The following C20orf141 variants were observed in gnomAD, a reference collection of about 807,000 sequenced individuals.
C20orf141 encodes chromosome 20 open reading frame 141, also known as uncharacterized protein C20orf141.
A neutral mutation model predicts 7.8 loss-of-function variants in C20orf141; 8 were observed. The observed-to-expected ratio is 1.03, with a 90% CI of 0.60 to 1.85. The LOEUF is 1.85. Ranked by LOEUF, C20orf141 falls within the 40% of genes most tolerant of loss-of-function variation. The pLI, the probability that C20orf141 is intolerant of heterozygous loss-of-function variation, is 0.00. For synonymous variants in C20orf141, 101 were observed against 90.8 expected, an observed-to-expected ratio of 1.11 and a Z score of -0.64; for missense variants, 220 against 203.1, an observed-to-expected ratio of 1.08 and a Z score of -0.51.
Position 2,815,313 on chromosome 20 carries a change from C to T in C20orf141, c.129C>T (p.Ser43=). 6.2e-7 allele frequency: 1 copy of T among 1,609,522 alleles called. No homozygotes were observed. The highest frequency in any genetic ancestry group is 8.5e-7 in the Non-Finnish European group (1 of 1,177,388). The change falls in exon 2 of 3, where the codon AGC becomes AGT. Residue 43 remains serine, a synonymous_variant. Coordinates refer to ENST00000603872, the MANE Select transcript of C20orf141 (RefSeq NM_001256538.2). ...CACCTGTATCCACCTGGGGCCCTAG[C>T]TGGGCCCAGCTCCTGGACAGTGTCC... The part of the protein sequence containing the change: ...VRPPVSTWGP[S]WAQLLDSVLW...
intron 2 of C20orf141, 37 bp from the exon 3 acceptor site, chr20:2,815,501 C>A: frequency 1.3e-6 from 2 of 1,575,110 alleles, no homozygotes; most frequent in Non-Finnish European, 1.7e-6. Flanking sequence ...CAGTGGACAA[C>A]TTCCCTAAGC....
At position 2,815,008 on chromosome 20, in the gene C20orf141, G is replaced by C; in HGVS notation, c.-43G>C. The C allele has an allele frequency of 1.3e-6, 1 of 749,520 alleles. No individual in the cohort carries two copies. Among genetic ancestry groups the C allele is most frequent in the East Asian group, 2.7e-5 (1 of 36,894 alleles). 46.4% of individuals were successfully genotyped at this position (749,520 alleles called of 1,614,324 possible). A position where few individuals can be genotyped will look rare whatever the true frequency, so the allele number is the denominator to read the frequency against. ...GCCCACTCCCAGAATGCTGACCAAA[G>C]TGGGAGGAGGTGAGGAGGGTTTGCT... On this transcript the variant is annotated 5_prime_UTR_variant, in exon 1 of 3. Coordinates refer to ENST00000603872, the MANE Select transcript of C20orf141 (RefSeq NM_001256538.2).
rs954861800 is a variant in C20orf141 at position 2,815,406 on chromosome 20, G to T, written c.222G>T (p.Leu74=). 3 of 1,565,342 alleles carry T rather than the reference G, an allele frequency of 1.9e-6. No homozygotes were observed. The highest frequency in any genetic ancestry group is 2.6e-6 in the Non-Finnish European group (3 of 1,153,236). ...CCACCACTGGCCCAGCCCTGCTGCT[G>T]CTTCTGGTCAGCTTCCTCACCTTTG... ...VFSTTGPALL[L]LLVSFLTFDL... The change falls in exon 2 of 3, where the codon CTG becomes CTT. Residue 74 remains leucine (L), a synonymous_variant. Coordinates refer to ENST00000603872, the MANE Select transcript of C20orf141 (RefSeq NM_001256538.2).
chr20:2,815,108 G>A, intron 1 of C20orf141, 44 bp from the exon 2 acceptor site: 1 of 1,559,892 alleles, frequency 6.4e-7, no homozygotes, highest in Non-Finnish European at 8.7e-7. Flanking sequence ...TGTCTGCCCG[G>A]GCCCTACCCC....
chr20:2,815,371 G>A lies in C20orf141; in HGVS notation c.187G>A (p.Ala63Thr). Residue 63 changes from alanine (A) to threonine (T), a missense_variant, in exon 2 of 3, where the codon GCA becomes ACA. By Grantham distance (58) the Ala-to-Thr change is moderately conservative. Transcript: ENST00000603872. ...GGGGGCACTAGGACTGACAATCCAGGCAGTCTTTTCCACCACTGGCCCAGC... is the reference window on the plus strand; with the variant it reads ...GGGGGCACTAGGACTGACAATCCAGACAGTCTTTTCCACCACTGGCCCAGC... ...WLGALGLTIQ[A>T]VFSTTGPALL... 6.3e-7 allele frequency: 1 copy of A among 1,587,438 alleles called. No homozygotes were observed. The highest frequency in any genetic ancestry group is 8.6e-7 in the Non-Finnish European group (1 of 1,164,342).
At position 2,815,219 on chromosome 20, in the gene C20orf141, G is replaced by A. The variant is rs143838675; in HGVS notation, c.35G>A (p.Arg12His). Residue 12 changes from arginine (R) to histidine (H), a missense_variant, in exon 2 of 3, where the codon CGT becomes CAT. Transcript: ENST00000603872. ...TRLCLPRPEA[R>H]EDPIPVPPRG... is the part of the protein sequence containing the mutation. ...CTCTGCTTACCCAGACCCGAAGCACGTGAGGATCCGATCCCAGTTCCTCCA... is the reference window on the plus strand; with the variant it reads ...CTCTGCTTACCCAGACCCGAAGCACATGAGGATCCGATCCCAGTTCCTCCA... The A allele has an allele frequency of 2.9e-4, 474 of 1,613,950 alleles. No individual in the cohort carries two copies. The highest frequency in any genetic ancestry group is 3.3e-4 in the Non-Finnish European group (394 of 1,180,000).
chr20:2,815,048 G>A lies in C20orf141; in HGVS notation c.-34+31G>A, dbSNP rs530919799. 14 of 1,117,288 alleles carry A rather than the reference G, an allele frequency of 1.3e-5. No homozygotes were observed. The African/African-American group carries it at 1.4e-4, about 11-fold the overall frequency. The allele number at this position is 1,117,288 out of a possible 1,614,324, so 69.2% of individuals were successfully genotyped here. On this transcript the variant is annotated intron_variant, in intron 1 of 2. Coordinates refer to ENST00000603872, the MANE Select transcript of C20orf141 (RefSeq NM_001256538.2). The stretch of plus-strand genomic sequence containing the variant: ...GAGGGTTTGCTGGGTGGGTATGGGG[G>A]AGGGGGAGACTCTGCAGGAGCCTAA...
rs1421917492 is a variant in C20orf141, at chr20:2,815,367, C to A, written c.183C>A (p.Ile61=). ...VLWLGALGLT[I]QAVFSTTGPA... ...GGCTGGGGGCACTAGGACTGACAATCCAGGCAGTCTTTTCCACCACTGGCC... is the reference window on the plus strand; with the variant it reads ...GGCTGGGGGCACTAGGACTGACAATACAGGCAGTCTTTTCCACCACTGGCC... The change falls in exon 2 of 3, where the codon ATC becomes ATA. Residue 61 remains isoleucine (I), a synonymous_variant. Transcript: ENST00000603872. 1.3e-6 allele frequency: 2 copies of A among 1,588,928 alleles called. No homozygotes were observed. The highest frequency in any genetic ancestry group is 4.5e-5 in the East Asian group (2 of 44,512).
At position 2,815,766 on chromosome 20, in the gene C20orf141, T is replaced by C. The variant is rs1600278193; in HGVS notation, c.489T>C (p.Pro163=). ...TLLGLAFCLH[P]WA ...TTGGCCTGGCTTTCTGCCTCCATCC[T>C]TGGGCCTGAGAGCCCCTCCCCACAA... is the stretch of plus-strand genomic sequence containing the variant. The change falls in exon 3 of 3, where the codon CCT becomes CCC. Residue 163 remains proline (P), a synonymous_variant. Transcript: ENST00000603872. The C allele has an allele frequency of 6.2e-7, 1 of 1,610,368 alleles. No individual in the cohort carries two copies. Among genetic ancestry groups the C allele is most frequent in the Non-Finnish European group, 8.5e-7 (1 of 1,179,230 alleles).
Position 2,815,800 on chromosome 20 carries a change from C to G in C20orf141, c.*25C>G. 1 of 1,576,348 alleles carries G rather than the reference C, an allele frequency of 6.3e-7. No individual in the cohort carries two copies. Among genetic ancestry groups the G allele is most frequent in the Non-Finnish European group, 8.7e-7 (1 of 1,155,970 alleles). ...AGAGCCCCTCCCCACAACTCAGTGT[C>G]CTTCAAATATACAATGACCACCCTT... On this transcript the variant is annotated 3_prime_UTR_variant, in exon 3 of 3. Coordinates refer to ENST00000603872, the MANE Select transcript of C20orf141 (RefSeq NM_001256538.2).
Position 2,815,212 on chromosome 20 carries a change from G to GA in C20orf141, c.30dup (p.Ala11SerfsTer3). The GA allele has an allele frequency of 6.2e-7, 1 of 1,613,948 alleles. No individual in the cohort carries two copies. Among genetic ancestry groups the GA allele is most frequent in the Non-Finnish European group, 8.5e-7 (1 of 1,179,994 alleles). On this transcript the variant is annotated frameshift_variant, in exon 2 of 3. Transcript: ENST00000603872. LOFTEE classifies it high-confidence loss of function. ...GACCCGGCTCTGCTTACCCAGACCC[G>GA]AAGCACGTGAGGATCCGATCCCAGT...
In C20orf141 at chr20:2,815,331, C is replaced by T. The variant is rs1410627532; in HGVS notation, c.147C>T (p.Asp49=). ...TWGPSWAQLL[D]SVLWLGALGL... ...GCCCTAGCTGGGCCCAGCTCCTGGA[C>T]AGTGTCCTATGGCTGGGGGCACTAG... is the stretch of plus-strand genomic sequence containing the variant. Residue 49 remains aspartate (D), a synonymous_variant, in exon 2 of 3, where the codon GAC becomes GAT. Transcript: ENST00000603872. 6.2e-7 allele frequency: 1 copy of T among 1,605,782 alleles called. No homozygotes were observed. The highest frequency in any genetic ancestry group is 1.3e-5 in the African/African-American group (1 of 74,730).
chr20:2,815,798 G>A lies in C20orf141; in HGVS notation c.*23G>A. ...TGAGAGCCCCTCCCCACAACTCAGT[G>A]TCCTTCAAATATACAATGACCACCC... On this transcript the variant is annotated 3_prime_UTR_variant, in exon 3 of 3. Coordinates refer to ENST00000603872, the MANE Select transcript of C20orf141 (RefSeq NM_001256538.2). 6.3e-7 allele frequency: 1 copy of A among 1,585,682 alleles called. No homozygotes were observed. The highest frequency in any genetic ancestry group is 1.1e-5 in the South Asian group (1 of 90,240).
Position 2,815,579 on chromosome 20 carries a change from G to C in C20orf141, c.302G>C (p.Arg101Thr). The change falls in exon 3 of 3, where the codon AGG becomes ACG. Residue 101 changes from arginine (R) to threonine (T), a missense_variant. By Grantham distance (71) the Arg-to-Thr change is moderately conservative. Transcript: ENST00000603872. The stretch of plus-strand genomic sequence containing the variant: ...CTGCCACAGCGCAAACTTCTCACCA[G>C]GGGCCAGAGTCAGGGGGCCGGTGAA... ...HTLPQRKLLT[R>T]GQSQGAGEGP... The C allele has an allele frequency of 6.2e-7, 1 of 1,613,984 alleles. No individual in the cohort carries two copies. The highest frequency in any genetic ancestry group is 1.1e-5 in the South Asian group (1 of 91,082).
In C20orf141 at chr20:2,815,303, G is replaced by T; in HGVS notation, c.119G>T (p.Trp40Leu). ...GSPVRPPVST[W>L]GPSWAQLLDS... ...CCAGTGCGTCCACCTGTATCCACCT[G>T]GGGCCCTAGCTGGGCCCAGCTCCTG... is the stretch of plus-strand genomic sequence containing the variant. Residue 40 changes from tryptophan to leucine, a missense_variant, in exon 2 of 3, where the codon TGG becomes TTG. Coordinates refer to ENST00000603872, the MANE Select transcript of C20orf141 (RefSeq NM_001256538.2). 6.2e-7 allele frequency: 1 copy of T among 1,611,256 alleles called. No individual in the cohort carries two copies. Among genetic ancestry groups the T allele is most frequent in the Non-Finnish European group, 8.5e-7 (1 of 1,178,400 alleles).
Position 2,815,569 on chromosome 20 carries a change from CTT to C in C20orf141, c.293_294del (p.Leu98ProfsTer11), listed in dbSNP as rs1156233987. The C allele has an allele frequency of 1.2e-6, 2 of 1,613,792 alleles. No individual in the cohort carries two copies. On this transcript the variant is annotated frameshift_variant, in exon 3 of 3. Coordinates refer to ENST00000603872, the MANE Select transcript of C20orf141 (RefSeq NM_001256538.2). LOFTEE classifies it low-confidence loss of function (END_TRUNC). ...AGGTCACACTCTGCCACAGCGCAAA[CTT>C]CTCACCAGGGGCCAGAGTCAGGGGG... The part of the protein sequence containing the change: ...PAGHTLPQRK[L>X]LTRGQSQGAG...
At chr20:2,815,501 C>G (rs376393300) in intron 2 of C20orf141, 37 bp from the exon 3 acceptor site, 1 of 1,574,994 alleles carries the variant, frequency 6.3e-7, no homozygotes, top group Non-Finnish European at 8.6e-7. Flanking sequence ...CAGTGGACAA[C>G]TTCCCTAAGC....
At position 2,815,208 on chromosome 20, in the gene C20orf141, A is replaced by G; in HGVS notation, c.24A>G (p.Arg8=). MTRLCLP[R]PEAREDPIPV... is the part of the protein sequence containing the mutation. ...CCATGACCCGGCTCTGCTTACCCAGACCCGAAGCACGTGAGGATCCGATCC... is the reference window on the plus strand; with the variant it reads ...CCATGACCCGGCTCTGCTTACCCAGGCCCGAAGCACGTGAGGATCCGATCC... Residue 8 remains arginine, a synonymous_variant, in exon 2 of 3, where the codon AGA becomes AGG. Transcript: ENST00000603872. The G allele has an allele frequency of 6.2e-7, 1 of 1,613,678 alleles. No individual in the cohort carries two copies. The highest frequency in any genetic ancestry group is 8.5e-7 in the Non-Finnish European group (1 of 1,179,928).
chr20:2,815,811 A>G lies in C20orf141; in HGVS notation c.*36A>G, dbSNP rs776404113. The G allele has an allele frequency of 5.7e-5, 88 of 1,535,766 alleles. No individual in the cohort carries two copies. Among genetic ancestry groups the G allele is most frequent in the Non-Finnish European group, 7.7e-5 (87 of 1,123,794 alleles). On this transcript the variant is annotated 3_prime_UTR_variant, in exon 3 of 3. Coordinates refer to ENST00000603872, the MANE Select transcript of C20orf141 (RefSeq NM_001256538.2). ...CCACAACTCAGTGTCCTTCAAATATACAATGACCACCCTTCTTCATCAGGC... is the reference window on the plus strand; with the variant it reads ...CCACAACTCAGTGTCCTTCAAATATGCAATGACCACCCTTCTTCATCAGGC...
Sources: gnomAD v4.1 joint callset for allele counts on GRCh38, gnomAD v4.1.1 for gene constraint, MANE v1.5 for transcripts, NCBI Gene and HGNC (gene_info 2026-07-23, HGNC 2026-07-21) for gene names.